The following TXNDC11 variants were observed in gnomAD, a reference collection of about 807,000 sequenced individuals.
The protein encoded by TXNDC11 is thioredoxin domain containing 11, also known as thioredoxin domain-containing protein 11.
Under a neutral mutation model 78.0 loss-of-function variants are expected in TXNDC11, and 68 were observed. The ratio of observed to expected loss-of-function variants is 0.87; its 90% CI spans 0.72 to 1.07. The LOEUF (loss-of-function observed/expected upper bound fraction) is 1.07. Among genes scored for constraint, TXNDC11 ranks in the 50% least tolerant of loss-of-function variants. TXNDC11 has a pLI of 0.00. For synonymous variants in TXNDC11, 571 were observed against 495.2 expected (o/e 1.15, Z -2.03); for missense variants, 1,389 against 1,221.8 (o/e 1.14, Z -2.04).
intron 4 of TXNDC11, among the ~76,000 whole-genome samples, chr16:11,724,981 A>G (rs1219650859): frequency 6.6e-6 from 1 of 152,092 alleles, no homozygotes; most frequent in Non-Finnish European, 1.5e-5. Flanking sequence ...TCCTGACCTC[A>G]TGATCTGCCC....
Position 11,711,409 on chromosome 16 carries a change from C to T in TXNDC11, c.793+10168G>A, listed in dbSNP as rs564090465. Among the ~76,000 whole-genome samples the T allele has an allele frequency of 5.3e-5, 8 of 152,294 alleles. No homozygotes were observed. In the South Asian group the frequency reaches 1.7e-3, roughly 32 times the overall value. On this transcript the variant is annotated intron_variant, in intron 5 of 11. Transcript: ENST00000283033. Reference sequence around the variant, plus strand: ...TCACTAGGCTAAAATCAACCCTGGCCTGTTAGCAAGTCATGTTCCTTTGGG... The same window carrying T: ...TCACTAGGCTAAAATCAACCCTGGCTTGTTAGCAAGTCATGTTCCTTTGGG...
chr16:11,716,780 C>T (rs901947951), intron 5 of TXNDC11, among the ~76,000 whole-genome samples: 3 of 152,086 alleles, frequency 2.0e-5, no homozygotes, highest in African/African-American at 7.2e-5. Flanking sequence ...TTCCACAAAA[C>T]ACAAGAACTA....
intron 5 of TXNDC11, among the ~76,000 whole-genome samples, chr16:11,710,586 A>G (rs923883444): frequency 6.6e-6 from 1 of 152,240 alleles, no homozygotes; most frequent in Non-Finnish European, 1.5e-5. Flanking sequence ...GCAGTGGCTC[A>G]TGCCTGTAAT....
chr16:11,684,219 G>A lies in TXNDC11; in HGVS notation c.2180C>T (p.Pro727Leu), dbSNP rs748865567. Residue 727 changes from proline to leucine, a missense_variant, in exon 11 of 12, where the codon CCT becomes CTT. Physicochemically the swap from Pro to Leu is moderately conservative, Grantham distance 98 (BLOSUM62 -3). Transcript: ENST00000283033. Reference protein sequence around the residue: ...ARIDVSQNDLPWEFMVDRLPT... With the variant: ...ARIDVSQNDLLWEFMVDRLPT... ...AAGACGATCGACCATAAATTCCCAAGGAAGGTCATTCTGAGACACGTCAAT... is the reference window on the plus strand; with the variant it reads ...AAGACGATCGACCATAAATTCCCAAAGAAGGTCATTCTGAGACACGTCAAT... The A allele has an allele frequency of 1.2e-6, 2 of 1,613,578 alleles. No individual in the cohort carries two copies. The highest frequency in any genetic ancestry group is 2.2e-5 in the South Asian group (2 of 91,052).
intron 1 of TXNDC11, among the ~76,000 whole-genome samples, chr16:11,737,036 C>A (rs1034428656): frequency 3.3e-5 from 5 of 152,170 alleles, no homozygotes; most frequent in Non-Finnish European, 5.9e-5. Context: ...TCACATACCA[C>A]AAACCATTAG....
rs538318388 is a variant in TXNDC11 at position 11,737,851 on chromosome 16, C to CAAA, written c.255-1621_255-1619dup. Among the ~76,000 whole-genome samples, 245 of 54,024 alleles carry CAAA rather than the reference C, an allele frequency of 4.5e-3. 4 individuals carry two copies. Among genetic ancestry groups the CAAA allele is most frequent in the Non-Finnish European group, 5.6e-3 (153 of 27,362 alleles). The allele number at this position is 54,024 out of a possible 152,430, so 35.4% of individuals were successfully genotyped here. The stretch of plus-strand genomic sequence containing the variant: ...GGCAACAGAGCGAGACTACGTCTCT[C>CAAA]AAAAAAAAAAAAAAAAAAAAAAAGG... On this transcript the variant is annotated intron_variant, in intron 1 of 11. Coordinates refer to ENST00000283033, the MANE Select transcript of TXNDC11 (RefSeq NM_015914.7).
At chr16:11,681,141 C>T (rs908058000) in intron 11 of TXNDC11, among the ~76,000 whole-genome samples, 1 of 152,208 alleles carries the variant, frequency 6.6e-6, no homozygotes. Flanking sequence ...CACTGCACTC[C>T]AGCCTGGGCA....
intron 5 of TXNDC11, among the ~76,000 whole-genome samples, chr16:11,709,396 C>A (rs2051272879): frequency 6.7e-6 from 1 of 149,248 alleles, no homozygotes; most frequent in Non-Finnish European, 1.5e-5. Context: ...GAGATTACAC[C>A]ACCACCATGC....
At chr16:11,702,579 A>G (rs1291961519) in intron 5 of TXNDC11, among the ~76,000 whole-genome samples, 1 of 152,212 alleles carries the variant, frequency 6.6e-6, no homozygotes, top group African/African-American at 2.4e-5. Context: ...CTGAGGCATG[A>G]GAATCACTTG....
intron 5 of TXNDC11, among the ~76,000 whole-genome samples, chr16:11,702,664 T>G (rs1223518751): frequency 6.6e-6 from 1 of 152,092 alleles, no homozygotes; most frequent in Non-Finnish European, 1.5e-5. Context: ...GGCAACAGAG[T>G]GAGACTCTGC....
chr16:11,702,078 G>T (rs1015750225), intron 5 of TXNDC11, among the ~76,000 whole-genome samples: 1 of 142,946 alleles, frequency 7.0e-6, no homozygotes, highest in Non-Finnish European at 1.5e-5. Flanking sequence ...GTGTGTGTGT[G>T]TATGTATGTA....
At position 11,698,136 on chromosome 16, in the gene TXNDC11, A is replaced by G; in HGVS notation, c.1096T>C (p.Leu366=). 6.2e-7 allele frequency: 1 copy of G among 1,614,234 alleles called. No homozygotes were observed. The highest frequency in any genetic ancestry group is 8.5e-7 in the Non-Finnish European group (1 of 1,180,032). The change falls in exon 7 of 12, where the codon TTA becomes CTA. Residue 366 remains leucine (L), a synonymous_variant. Transcript: ENST00000283033. ...PFNPLAESHP[L]IDEITEVALE... ...ATCACAGCTCTTACCTCGTCTATTA[A>G]AGGATGACTTTCGGCCAGGGGATTA... is the stretch of plus-strand genomic sequence containing the variant.
intron 5 of TXNDC11, among the ~76,000 whole-genome samples, chr16:11,701,126 CTCT>C (rs1399600052): frequency 4.9e-5 from 7 of 141,638 alleles, no homozygotes; most frequent in African/African-American, 8.1e-5. Context: ...GCCCAATGTC[CTCT>C]TTTTTTTTTT....
chr16:11,699,490 G>A (rs59631662), intron 6 of TXNDC11, among the ~76,000 whole-genome samples: 6,610 of 152,330 alleles, frequency 0.043, 515 homozygotes, highest in African/African-American at 0.15. Context: ...AAGGTGGGAC[G>A]ATGGGAGTTT....
chr16:11,680,279 G>A (rs551522786), intron 11 of TXNDC11, among the ~76,000 whole-genome samples: 40 of 152,352 alleles, frequency 2.6e-4, no homozygotes, highest in African/African-American at 9.6e-4. Flanking sequence ...GGAGAAAAAG[G>A]AAGAACTTGA....
chr16:11,702,015 T>C (rs2051040599), intron 5 of TXNDC11, among the ~76,000 whole-genome samples: 1 of 149,782 alleles, frequency 6.7e-6, no homozygotes, highest in Admixed American at 6.6e-5. Context: ...AGACTTTTGA[T>C]GTTAACAAAA....
chr16:11,736,890 A>G (rs1567353912), intron 1 of TXNDC11, among the ~76,000 whole-genome samples: 1 of 152,154 alleles, frequency 6.6e-6, no homozygotes, highest in Non-Finnish European at 1.5e-5. Context: ...GATCAGGAGG[A>G]AAAAGAAAAG....
At chr16:11,712,648 A>G (rs2051396283) in intron 5 of TXNDC11, among the ~76,000 whole-genome samples, 2 of 152,290 alleles carry the variant, frequency 1.3e-5, no homozygotes, top group South Asian at 4.1e-4. Context: ...GTTCTTATTT[A>G]TAAGACTTAA....
chr16:11,736,653 C>T (rs554385087), intron 1 of TXNDC11, among the ~76,000 whole-genome samples: 176 of 152,252 alleles, frequency 1.2e-3, no homozygotes, highest in Non-Finnish European at 2.2e-3. Flanking sequence ...AAGATTTCCA[C>T]GGGAGATGCT....
Sources: gnomAD v4.1 joint callset for allele counts (sites outside exome capture counted in the v4.1 genomes callset) on GRCh38, gnomAD v4.1.1 for gene constraint, MANE v1.5 for transcripts, NCBI Gene and HGNC (gene_info 2026-07-23, HGNC 2026-07-21) for gene names.